KCNK2: variants seen among roughly 807,000 people sequenced by gnomAD.
KCNK2 encodes potassium two pore domain channel subfamily K member 2.
KCNK2 carries 21 observed loss-of-function variants against 40.5 expected under a neutral mutation model. The observed-to-expected ratio is 0.52, with a 90% confidence interval of 0.37 to 0.75. KCNK2 has a LOEUF of 0.75. KCNK2 is among the 30% of genes least tolerant of loss of function. The probability of loss-of-function intolerance (pLI) is 0.00; values close to 1 mark genes in which losing one functional copy is unlikely to be tolerated. For missense variants in KCNK2, 399 were observed against 531.6 expected (o/e 0.75, Z 2.45); for synonymous variants, 191 against 202.2 (o/e 0.94, Z 0.47).
chr1:215,169,873 C>T (rs749261835), intron 4 of KCNK2, among the ~76,000 whole-genome samples: 6 of 151,888 alleles, frequency 4.0e-5, no homozygotes, highest in Admixed American at 6.6e-5. Flanking sequence ...CTTGAACTCC[C>T]GACCTCCAAT....
Position 215,234,972 on chromosome 1 carries a change from G to A in KCNK2, c.1108G>A (p.Ala370Thr). The change falls in exon 7 of 7, where the codon GCT becomes ACT. Residue 370 changes from alanine to threonine, a missense_variant. Ala to Thr is a moderately conservative substitution (Grantham distance 58). This residue lies in a region of KCNK2 where 103 missense variants were observed against 124.3 expected (regional missense o/e 0.83). Transcript: ENST00000444842. The part of the protein sequence containing the change: ...SIKRKLSAEL[A>T]GNHNQELTPC... Reference sequence around the variant, plus strand: ...CAAGCGGAAGCTCTCGGCAGAACTGGCTGGAAACCACAATCAGGAGCTGAC... The same window carrying A: ...CAAGCGGAAGCTCTCGGCAGAACTGACTGGAAACCACAATCAGGAGCTGAC... The A allele has an allele frequency of 6.2e-7, 1 of 1,614,016 alleles. No individual in the cohort carries two copies.
chr1:215,055,792 C>T (rs1310861420), intron 1 of KCNK2, among the ~76,000 whole-genome samples: 3 of 152,166 alleles, frequency 2.0e-5, no homozygotes, highest in Non-Finnish European at 2.9e-5. Context: ...TTTTGATGTA[C>T]TTGAGAAATG....
Position 215,222,160 on chromosome 1 carries a change from C to T in KCNK2, c.964-12668C>T, listed in dbSNP as rs114194904. ...CACCCCCATGACCCCATGACCCAAA[C>T]ATCTCCCCCCAGTCCCCACCTCCAT... On this transcript the variant is annotated intron_variant, in intron 6 of 6. Transcript: ENST00000444842. Among the ~76,000 whole-genome samples, 1,451 of 152,276 alleles carry T rather than the reference C, an allele frequency of 9.5e-3. 27 individuals are homozygous for T. The highest frequency in any genetic ancestry group is 0.032 in the African/African-American group (1,342 of 41,548).
chr1:215,075,034 T>C (rs1347663950), intron 1 of KCNK2, among the ~76,000 whole-genome samples: 1 of 152,230 alleles, frequency 6.6e-6, no homozygotes, highest in East Asian at 1.9e-4. Flanking sequence ...GTTATCTTAA[T>C]TTAAATAATT....
intron 6 of KCNK2, among the ~76,000 whole-genome samples, chr1:215,209,940 C>T (rs1354648104): frequency 2.2e-5 from 1 of 44,724 alleles, no homozygotes; most frequent in Non-Finnish European, 3.8e-5. Flanking sequence ...CTTCATGAAG[C>T]TTCAAAATAG....
At chr1:215,224,329 C>G (rs189333913) in intron 6 of KCNK2, among the ~76,000 whole-genome samples, 1 of 152,020 alleles carries the variant, frequency 6.6e-6, no homozygotes, top group East Asian at 1.9e-4. Context: ...GGACTCTGGA[C>G]GCTATTCTAT....
In KCNK2 at chr1:215,183,460, C is replaced by T. The variant is rs185353347; in HGVS notation, c.823+11277C>T. ...CGTTTTTCTACTCAAATTTTAAAAA[C>T]TTTTCCTCTTCTATGATATATGTGT... On this transcript the variant is annotated intron_variant, in intron 5 of 6. Transcript: ENST00000444842. Among the ~76,000 whole-genome samples the T allele has an allele frequency of 3.0e-3, 450 of 152,158 alleles. 2 individuals carry two copies. Among genetic ancestry groups the T allele is most frequent in the African/African-American group, 0.01 (426 of 41,510 alleles).
chr1:215,234,857 G>A lies in KCNK2; in HGVS notation c.993G>A (p.Glu331=), dbSNP rs760432472. The A allele has an allele frequency of 2.9e-5, 46 of 1,613,800 alleles. No individual in the cohort carries two copies. The highest frequency in any genetic ancestry group is 3.9e-5 in the Non-Finnish European group (46 of 1,179,902). ...GAGAGTTCAGAGCACACGCTGCTGA[G>A]TGGACAGCCAACGTCACAGCCGAAT... ...EVGEFRAHAA[E]WTANVTAEFK... The change falls in exon 7 of 7, where the codon GAG becomes GAA. Residue 331 remains glutamate (E), a synonymous_variant. Coordinates refer to ENST00000444842, the MANE Select transcript of KCNK2 (RefSeq NM_001017425.3).
intron 1 of KCNK2, among the ~76,000 whole-genome samples, chr1:215,075,480 T>A (rs1658895832): frequency 6.6e-6 from 1 of 152,194 alleles, no homozygotes; most frequent in Non-Finnish European, 1.5e-5. Context: ...CTTAGTATGT[T>A]TACTCCATGA....
At chr1:215,025,787 CCACTACAAA>C (rs1469659914) in intron 1 of KCNK2, among the ~76,000 whole-genome samples, 1 of 151,938 alleles carries the variant, frequency 6.6e-6, no homozygotes. Context: ...CATATTTTTG[CCACTACAAA>C]GAATGCTGCA....
At chr1:215,128,487 C>G (rs1368442904) in intron 3 of KCNK2, among the ~76,000 whole-genome samples, 1 of 152,056 alleles carries the variant, frequency 6.6e-6, no homozygotes, top group Admixed American at 6.6e-5. Flanking sequence ...AACATTTCCA[C>G]GTATGAAATG....
At chr1:215,188,487 G>A (rs1053516836) in intron 5 of KCNK2, among the ~76,000 whole-genome samples, 1 of 152,120 alleles carries the variant, frequency 6.6e-6, no homozygotes, top group Non-Finnish European at 1.5e-5. Flanking sequence ...TTGCTTTCCT[G>A]TATAACTGAA....
At chr1:215,086,714 C>G (rs1659462279) in intron 2 of KCNK2, 36 bp downstream of exon 2, 2 of 1,571,468 alleles carry the variant, frequency 1.3e-6, no homozygotes, top group Non-Finnish European at 1.7e-6. Flanking sequence ...TCTGTTCCCC[C>G]AAATGGGAAA....
chr1:215,127,094 G>A (rs975987300), intron 3 of KCNK2, among the ~76,000 whole-genome samples: 1 of 152,126 alleles, frequency 6.6e-6, no homozygotes, highest in Non-Finnish European at 1.5e-5. Context: ...TAGAAATTAT[G>A]ACCTTTAGCA....
intron 6 of KCNK2, among the ~76,000 whole-genome samples, chr1:215,211,971 T>C (rs1665762890): frequency 6.6e-6 from 1 of 152,108 alleles, no homozygotes; most frequent in Admixed American, 6.6e-5. Flanking sequence ...AATGACAATA[T>C]TTAAGGAGTG....
chr1:215,193,027 C>T (rs1664729873), intron 5 of KCNK2, among the ~76,000 whole-genome samples: 1 of 151,994 alleles, frequency 6.6e-6, no homozygotes, highest in Non-Finnish European at 1.5e-5. Flanking sequence ...TTAATATATA[C>T]TTGCAATGCA....
At chr1:215,157,767 C>T (rs955638504) in intron 3 of KCNK2, among the ~76,000 whole-genome samples, 1 of 152,172 alleles carries the variant, frequency 6.6e-6, no homozygotes, top group Non-Finnish European at 1.5e-5. Flanking sequence ...TACTCTACCG[C>T]TTATAGTCAA....
At chr1:215,010,862 T>G (rs535314909) in intron 1 of KCNK2, among the ~76,000 whole-genome samples, 11,085 of 130,712 alleles carry the variant, frequency 0.085, 1,411 homozygotes, top group African/African-American at 0.29. Context: ...TTTTTTTTTT[T>G]TTTTTTTGTG....
At chr1:215,036,070 GCTCT>G (rs1657373743) in intron 1 of KCNK2, among the ~76,000 whole-genome samples, 1 of 150,332 alleles carries the variant, frequency 6.7e-6, no homozygotes, top group Admixed American at 6.6e-5. Flanking sequence ...TATGGTTAGT[GCTCT>G]CTGTTAACTG....
Sources: allele counts gnomAD v4.1 joint callset (sites outside exome capture counted in the v4.1 genomes callset), GRCh38; gene constraint gnomAD v4.1.1; regional missense constraint gnomAD v4.1.1; transcripts MANE v1.5; gene names NCBI Gene and HGNC (gene_info 2026-07-23, HGNC 2026-07-21).